Variants in PTPRZ1 observed in about 807,000 individuals in gnomAD.
The protein encoded by PTPRZ1 is protein tyrosine phosphatase receptor type Z1, also known as receptor-type tyrosine-protein phosphatase zeta.
In PTPRZ1, 82 loss-of-function variants were observed where a neutral mutation model predicts 214.1. The ratio of observed to expected loss-of-function variants is 0.38; its 90% CI spans 0.32 to 0.46. PTPRZ1 has a LOEUF of 0.46. Ranked by LOEUF, PTPRZ1 falls within the 20% of genes least tolerant of loss-of-function variation. The pLI is 1.00. For synonymous variants in PTPRZ1, 945 were observed against 987.9 expected, an observed-to-expected ratio of 0.96 and a Z score of 0.81; for missense variants, 2,603 against 2,748.7, an observed-to-expected ratio of 0.95 and a Z score of 1.19.
intron 2 of PTPRZ1, among the ~76,000 whole-genome samples, chr7:121,951,969 T>A (rs1042256012): frequency 6.7e-5 from 10 of 149,894 alleles, no homozygotes; most frequent in African/African-American, 2.4e-4. Flanking sequence ...ATTTATTTTT[T>A]TTTTTTTGAG....
intron 5 of PTPRZ1, 28 bp from the exon 6 acceptor site, chr7:121,976,757 T>G: frequency 6.5e-7 from 1 of 1,531,904 alleles, no homozygotes; most frequent in Non-Finnish European, 8.9e-7. Flanking sequence ...TTTTATTCTT[T>G]TTTTAGAATG....
At chr7:121,985,188 G>T (rs912670959) in intron 8 of PTPRZ1, among the ~76,000 whole-genome samples, 1 of 152,054 alleles carries the variant, frequency 6.6e-6, no homozygotes, top group African/African-American at 2.4e-5. Flanking sequence ...AAACTAAATT[G>T]CCCCAAAGTG....
intron 2 of PTPRZ1, among the ~76,000 whole-genome samples, chr7:121,958,256 A>T (rs1489443035): frequency 6.6e-6 from 1 of 152,332 alleles, no homozygotes; most frequent in South Asian, 2.1e-4. Flanking sequence ...GAGTTGGGAA[A>T]TAACCAAATC....
chr7:121,882,290 A>G (rs1245336595), intron 1 of PTPRZ1, among the ~76,000 whole-genome samples: 1 of 152,194 alleles, frequency 6.6e-6, no homozygotes, highest in Non-Finnish European at 1.5e-5. Context: ...CTCATACATG[A>G]TGGAGTTTCT....
intron 10 of PTPRZ1, 35 bp from the exon 11 acceptor site, chr7:122,004,578 AT>A: frequency 1.7e-6 from 2 of 1,158,642 alleles, no homozygotes; most frequent in Non-Finnish European, 2.5e-6. Context: ...AAATAGTTGA[AT>A]AAAAACTTTA....
rs1798717843 is a variant in PTPRZ1, at chr7:122,012,798, A to G, written c.3752A>G (p.His1251Arg). 14 of 1,611,568 alleles carry G rather than the reference A, an allele frequency of 8.7e-6. No homozygotes were observed. Among genetic ancestry groups the G allele is most frequent in the Non-Finnish European group, 1.2e-5 (14 of 1,177,718 alleles). ...GTTTTTGATGTGTCGCCTACTTCTC[A>G]TATGCACTCTGCTTCACTTCAAGGT... ...VPVFDVSPTS[H>R]MHSASLQGLT... The change falls in exon 12 of 30, where the codon CAT becomes CGT. Residue 1251 changes from histidine to arginine, a missense_variant. Around this residue, in one of 6 missense-constraint regions of PTPRZ1, gnomAD observed 1,913 missense variants for 1,914.3 expected, o/e 1.00. Transcript: ENST00000393386.
intron 22 of PTPRZ1, among the ~76,000 whole-genome samples, chr7:122,042,949 T>A (rs2150480646): frequency 6.6e-6 from 1 of 152,258 alleles, no homozygotes; most frequent in South Asian, 2.1e-4. Flanking sequence ...GCCTCTTTCA[T>A]CTCCTGGTAG....
At position 122,010,701 on chromosome 7, in the gene PTPRZ1, A is replaced by G; in HGVS notation, c.1655A>G (p.Asn552Ser). The G allele has an allele frequency of 6.2e-7, 1 of 1,613,960 alleles. No homozygotes were observed. The highest frequency in any genetic ancestry group is 8.5e-7 in the Non-Finnish European group (1 of 1,179,952). Reference protein sequence around the residue: ...SKTVLRSPHMNLSGTAESLNT... With the variant: ...SKTVLRSPHMSLSGTAESLNT... ...ACTGTTCTTAGATCTCCACATATGA[A>G]CTTGTCGGGGACTGCAGAATCCTTA... is the stretch of plus-strand genomic sequence containing the variant. Residue 552 changes from asparagine to serine, a missense_variant, in exon 12 of 30, where the codon AAC (asparagine) becomes AGC (serine). By Grantham distance (46) the Asn-to-Ser change is conservative (BLOSUM62 1). Coordinates refer to ENST00000393386, the MANE Select transcript of PTPRZ1 (RefSeq NM_002851.3).
intron 1 of PTPRZ1, among the ~76,000 whole-genome samples, chr7:121,887,154 T>C (rs1337128788): frequency 3.3e-5 from 5 of 152,202 alleles, no homozygotes; most frequent in Non-Finnish European, 7.3e-5. Context: ...GTTGTTTCCA[T>C]GACTGTATCT....
intron 2 of PTPRZ1, among the ~76,000 whole-genome samples, chr7:121,930,543 A>G (rs980200409): frequency 6.6e-6 from 1 of 152,130 alleles, no homozygotes; most frequent in Admixed American, 6.5e-5. Context: ...TTAATTTCAG[A>G]AAATTGTGTT....
intron 2 of PTPRZ1, among the ~76,000 whole-genome samples, chr7:121,964,775 A>T (rs1402266894): frequency 6.6e-6 from 1 of 152,138 alleles, no homozygotes; most frequent in Non-Finnish European, 1.5e-5. Context: ...TTGAGGAGAG[A>T]TTTGATTGAA....
intron 24 of PTPRZ1, 44 bp downstream of exon 24, chr7:122,051,565 T>C (rs1792186274): frequency 6.6e-7 from 1 of 1,518,916 alleles, no homozygotes; most frequent in Non-Finnish European, 9.1e-7. Flanking sequence ...TTTAAAATAA[T>C]AAAAGCCTTG....
chr7:122,042,929 ATTCTTCCTTGCCTCT>A lies in PTPRZ1; in HGVS notation c.5937+190_5937+204del, dbSNP rs140791713. Among the ~76,000 whole-genome samples, 1,410 of 152,268 alleles carry A rather than the reference ATTCTTCCTTGCCTCT, an allele frequency of 9.3e-3. 19 individuals carry two copies. The highest frequency in any genetic ancestry group is 0.032 in the African/African-American group (1,343 of 41,540). ...ATGCCCTTCCAGAAGCCTCTAGAAG[ATTCTTCCTTGCCTCT>A]TTCATCTCCTGGTAGCCCCATGCAT... On this transcript the variant is annotated intron_variant, in intron 22 of 29. Coordinates refer to ENST00000393386, the MANE Select transcript of PTPRZ1 (RefSeq NM_002851.3).
intron 1 of PTPRZ1, among the ~76,000 whole-genome samples, chr7:121,927,734 C>G (rs924120086): frequency 6.6e-6 from 1 of 152,164 alleles, no homozygotes; most frequent in South Asian, 2.1e-4. Context: ...ACACTAGAAG[C>G]ATTTTCAGAT....
Position 122,019,222 on chromosome 7 carries a change from A to C in PTPRZ1, c.4942A>C (p.Thr1648Pro). ...VIPLVIVSAL[T>P]FICLVVLVGI... ...ACCCCTTGTGATCGTGTCAGCCCTG[A>C]CTTTTATCTGTCTAGTGGTTCTTGT... The change falls in exon 13 of 30, where the codon ACT becomes CCT. Residue 1648 changes from threonine to proline, a missense_variant. This residue lies in a region of PTPRZ1 where 1,913 missense variants were observed against 1,914.3 expected (regional missense o/e 1.00). Transcript: ENST00000393386. The C allele has an allele frequency of 6.2e-7, 1 of 1,612,924 alleles. No homozygotes were observed. The highest frequency in any genetic ancestry group is 8.5e-7 in the Non-Finnish European group (1 of 1,178,976).
intron 8 of PTPRZ1, among the ~76,000 whole-genome samples, chr7:121,992,101 C>A (rs1054237645): frequency 6.6e-6 from 1 of 152,154 alleles, no homozygotes; most frequent in African/African-American, 2.4e-5. Context: ...CTGAGTGAGA[C>A]CTAGTGTAGT....
chr7:121,970,365 A>T lies in PTPRZ1; in HGVS notation c.305-2176A>T, dbSNP rs193111673. On this transcript the variant is annotated intron_variant, in intron 3 of 29. Transcript: ENST00000393386. ...TGGTATTTCCAGTTCTAGATCTCTG[A>T]GGAATCGCCACACTGTCTTCCACAA... Among the ~76,000 whole-genome samples, 552 of 152,322 alleles carry T rather than the reference A, an allele frequency of 3.6e-3. 10 individuals carry two copies. Among genetic ancestry groups the T allele is most frequent in the Admixed American group, 0.032 (495 of 15,298 alleles).
intron 1 of PTPRZ1, among the ~76,000 whole-genome samples, chr7:121,880,210 G>A (rs1350096123): frequency 1.3e-5 from 2 of 152,284 alleles, no homozygotes; most frequent in South Asian, 2.1e-4. Context: ...TTGGGTACTG[G>A]TTAATGTGAA....
rs370832378 is a variant in PTPRZ1 at position 121,972,190 on chromosome 7, C to T, written c.305-351C>T. On this transcript the variant is annotated intron_variant, in intron 3 of 29. Coordinates refer to ENST00000393386, the MANE Select transcript of PTPRZ1 (RefSeq NM_002851.3). Reference sequence around the variant, plus strand: ...TTTTTTTTCTTTTAACCCTTCAGTTCCTTCCCCCTTTGCTCTGTCTTCTTA... The same window carrying T: ...TTTTTTTTCTTTTAACCCTTCAGTTTCTTCCCCCTTTGCTCTGTCTTCTTA... Among the ~76,000 whole-genome samples the T allele has an allele frequency of 2.6e-5, 4 of 151,404 alleles. No individual in the cohort carries two copies. The East Asian group carries it at 5.8e-4, about 22-fold the overall frequency.
Sources: allele counts gnomAD v4.1 joint callset (sites outside exome capture counted in the v4.1 genomes callset), GRCh38; gene constraint gnomAD v4.1.1; regional missense constraint gnomAD v4.1.1; transcripts MANE v1.5; gene names NCBI Gene and HGNC (gene_info 2026-07-23, HGNC 2026-07-21).